FRAS1: variants seen among roughly 807,000 people sequenced by gnomAD.
FRAS1 encodes extracellular matrix organizing protein FRAS1.
In FRAS1, 290 loss-of-function variants were observed where a neutral mutation model predicts 435.2. The ratio of observed to expected loss-of-function variants is 0.67; its 90% CI spans 0.61 to 0.73. The LOEUF (loss-of-function observed/expected upper bound fraction) is 0.73. FRAS1 is among the 30% of genes least tolerant of loss of function. The pLI, the probability that FRAS1 is intolerant of heterozygous loss-of-function variation, is 0.00. For missense variants in FRAS1, 4,860 were observed against 5,001.5 expected (o/e 0.97, Z 0.85); for synonymous variants, 1,800 against 1,851.0 (o/e 0.97, Z 0.71).
At chr4:78,059,531 G>A (rs1344110407) in intron 1 of FRAS1, among the ~76,000 whole-genome samples, 1 of 151,494 alleles carries the variant, frequency 6.6e-6, no homozygotes, top group Non-Finnish European at 1.5e-5. Context: ...AAAGCTTGTA[G>A]GGCTTGATTA....
intron 2 of FRAS1, among the ~76,000 whole-genome samples, chr4:78,114,737 A>G (rs1441421294): frequency 6.6e-6 from 1 of 152,248 alleles, no homozygotes; most frequent in Non-Finnish European, 1.5e-5. Context: ...GGCTGATACG[A>G]TGGGGTTTTC....
At chr4:78,232,603 G>T (rs1724563795) in intron 2 of FRAS1, among the ~76,000 whole-genome samples, 1 of 152,136 alleles carries the variant, frequency 6.6e-6, no homozygotes, top group African/African-American at 2.4e-5. Context: ...GAAGATTTTT[G>T]ATAGGTCCAA....
chr4:78,310,362 G>A lies in FRAS1; in HGVS notation c.1678+2153G>A, dbSNP rs140560946. On this transcript the variant is annotated intron_variant, in intron 15 of 73. Transcript: ENST00000512123. ...TGCCACTGAGACTCTACATTATCTG[G>A]ATTGAGAAGACAACTTTTGCTGGAG... Among the ~76,000 whole-genome samples, 630 of 152,290 alleles carry A rather than the reference G, an allele frequency of 4.1e-3. 3 individuals carry two copies. Among genetic ancestry groups the A allele is most frequent in the African/African-American group, 0.015 (615 of 41,560 alleles).
chr4:78,474,974 T>G (rs1037308305), intron 53 of FRAS1, among the ~76,000 whole-genome samples: 7 of 152,230 alleles, frequency 4.6e-5, no homozygotes, highest in Non-Finnish European at 8.8e-5. Context: ...TTTTCTTACC[T>G]CTGCTTCTGC....
chr4:78,205,097 A>C (rs1471093640), intron 2 of FRAS1, among the ~76,000 whole-genome samples: 1 of 152,214 alleles, frequency 6.6e-6, no homozygotes, highest in Non-Finnish European at 1.5e-5. Flanking sequence ...TGTTGAGTCC[A>C]TAAATGATAA....
intron 14 of FRAS1, among the ~76,000 whole-genome samples, chr4:78,302,076 T>C (rs531601557): frequency 1.3e-5 from 2 of 150,576 alleles, no homozygotes; most frequent in African/African-American, 4.9e-5. Flanking sequence ...CATTGTTCAA[T>C]TCCCACCTAT....
At chr4:78,067,660 T>C (rs1740103063) in intron 2 of FRAS1, among the ~76,000 whole-genome samples, 3 of 137,798 alleles carry the variant, frequency 2.2e-5, no homozygotes, top group South Asian at 2.4e-4. Flanking sequence ...CTTTTTCTTT[T>C]TTTTTCTTTC....
At chr4:78,128,893 C>A (rs1220399073) in intron 2 of FRAS1, among the ~76,000 whole-genome samples, 3 of 151,996 alleles carry the variant, frequency 2.0e-5, no homozygotes, top group Non-Finnish European at 2.9e-5. Flanking sequence ...TTTAGGTCTA[C>A]CATTTAAGTC....
Position 78,515,858 on chromosome 4 carries a change from C to G in FRAS1, c.10234C>G (p.Arg3412Gly). The change falls in exon 66 of 74, where the codon CGC becomes GGC. Residue 3412 changes from arginine (R) to glycine (G), a missense_variant. Physicochemically the swap from Arg to Gly is moderately radical, Grantham distance 125. Coordinates refer to ENST00000512123, the MANE Select transcript of FRAS1 (RefSeq NM_025074.7). ...DSTALGPGYD[R>G]PFQFDPSVRE... Reference sequence around the variant, plus strand: ...CACTGCCCTGGGGCCTGGCTACGATCGCCCCTTCCAGTTTGACCCCAGCGT... The same window carrying G: ...CACTGCCCTGGGGCCTGGCTACGATGGCCCCTTCCAGTTTGACCCCAGCGT... The G allele has an allele frequency of 6.2e-7, 1 of 1,614,030 alleles. No homozygotes were observed. Among genetic ancestry groups the G allele is most frequent in the South Asian group, 1.1e-5 (1 of 91,076 alleles).
intron 2 of FRAS1, among the ~76,000 whole-genome samples, chr4:78,207,892 G>A (rs1272583860): frequency 1.3e-5 from 2 of 152,128 alleles, no homozygotes; most frequent in Non-Finnish European, 2.9e-5. Flanking sequence ...CATGGCAGAC[G>A]GCAGGCAGGA....
chr4:78,200,515 A>C (rs895225158), intron 2 of FRAS1, among the ~76,000 whole-genome samples: 17 of 152,324 alleles, frequency 1.1e-4, no homozygotes, highest in African/African-American at 4.1e-4. Flanking sequence ...ATAGAGAGCA[A>C]CTTCTAACAC....
chr4:78,301,383 A>G (rs1320592256), intron 14 of FRAS1, among the ~76,000 whole-genome samples: 2 of 152,248 alleles, frequency 1.3e-5, no homozygotes, highest in African/African-American at 4.8e-5. Context: ...GAGTAAAAAA[A>G]AAAAAAGCAA....
rs1560753038 is a variant in FRAS1, at chr4:78,483,799, A to ATATATAT, written c.8752+1264_8752+1265insTATATAT. Among the ~76,000 whole-genome samples, 104 of 67,432 alleles carry ATATATAT rather than the reference A, an allele frequency of 1.5e-3. 10 individuals carry two copies. The highest frequency in any genetic ancestry group is 0.015 in the Middle Eastern group (2 of 132). The allele number at this position is 67,432 out of a possible 152,430, so 44.2% of individuals were successfully genotyped here. ...CTCTCTCTCTATATATATATATATA[A>ATATATAT]AATTATGTATGTGTGATACACACAC... On this transcript the variant is annotated intron_variant, in intron 58 of 73. Transcript: ENST00000512123.
chr4:78,309,254 C>T (rs1273156329), intron 15 of FRAS1, among the ~76,000 whole-genome samples: 3 of 152,190 alleles, frequency 2.0e-5, no homozygotes, highest in Non-Finnish European at 4.4e-5. Context: ...AACTTTGATT[C>T]TAGAACTTCT....
intron 22 of FRAS1, 143 bp downstream of exon 22, chr4:78,364,197 G>A: frequency 5.9e-6 from 6 of 1,011,846 alleles, no homozygotes; most frequent in Non-Finnish European, 8.4e-6. Context: ...ATCTACAAAG[G>A]CAGTAAGGTT....
At chr4:78,279,072 G>C (rs1189855118) in intron 10 of FRAS1, among the ~76,000 whole-genome samples, 2 of 152,204 alleles carry the variant, frequency 1.3e-5, no homozygotes, top group Non-Finnish European at 2.9e-5. Context: ...GGATGGTGGG[G>C]TGTGGGGGAT....
At chr4:78,420,588 A>ACCAT (rs1484371530) in intron 33 of FRAS1, among the ~76,000 whole-genome samples, 1 of 152,018 alleles carries the variant, frequency 6.6e-6, no homozygotes, top group Non-Finnish European at 1.5e-5. Flanking sequence ...AGTTCTTAGA[A>ACCAT]TAATCAAGAC....
At chr4:78,506,717 G>A (rs1326155473) in intron 61 of FRAS1, among the ~76,000 whole-genome samples, 3 of 150,700 alleles carry the variant, frequency 2.0e-5, no homozygotes, top group Middle Eastern at 3.2e-3. Context: ...CGGGTGAGGC[G>A]ACGCCCCTCC....
intron 60 of FRAS1, among the ~76,000 whole-genome samples, 190 bp from the exon 61 acceptor site, chr4:78,499,527 CAAAT>C (rs1044443218): frequency 6.6e-6 from 1 of 152,148 alleles, no homozygotes; most frequent in African/African-American, 2.4e-5. Context: ...TGCAGAATCA[CAAAT>C]AAATAATTTT....
Sources: allele counts gnomAD v4.1 joint callset (sites outside exome capture counted in the v4.1 genomes callset), GRCh38; gene constraint gnomAD v4.1.1; transcripts MANE v1.5; gene names NCBI Gene and HGNC (gene_info 2026-07-23, HGNC 2026-07-21).